TNS1: variants seen among roughly 807,000 people sequenced by gnomAD.
TNS1 encodes the protein tensin-1.
A neutral mutation model predicts 168.6 loss-of-function variants in TNS1; 62 were observed. The observed-to-expected ratio is 0.37, with a 90% CI of 0.30 to 0.45. The LOEUF is 0.45. TNS1 is among the 20% of genes least tolerant of loss of function. The pLI is 1.00. For missense variants in TNS1, 2,240 were observed against 2,339.4 expected (o/e 0.96, Z 0.88); for synonymous variants, 934 against 933.2 (o/e 1.00, Z -0.02).
chr2:217,862,553 G>A lies in TNS1; in HGVS notation c.1430-13466C>T, dbSNP rs370624408. ...GACCCCAGATTTGCCACATGGCACC[G>A]CACTGTGGGCAGTCAGCCCAGGCAA... On this transcript the variant is annotated intron_variant, in intron 18 of 32. Transcript: ENST00000682258. Among the ~76,000 whole-genome samples, 13 of 152,186 alleles carry A rather than the reference G, an allele frequency of 8.5e-5. No homozygotes were observed. The East Asian group carries it at 1.7e-3, about 20-fold the overall frequency.
intron 22 of TNS1, among the ~76,000 whole-genome samples, chr2:217,824,802 T>C (rs1943375486): frequency 6.6e-6 from 1 of 152,132 alleles, no homozygotes; most frequent in Non-Finnish European, 1.5e-5. Flanking sequence ...GCACTCATCA[T>C]GGCTACACCC....
chr2:217,817,465 C>T (rs1942071444), intron 24 of TNS1, among the ~76,000 whole-genome samples: 1 of 152,156 alleles, frequency 6.6e-6, no homozygotes. Context: ...TTATCATCCT[C>T]ATCTGTATCC....
chr2:217,813,925 A>G lies in TNS1; in HGVS notation c.4730-109T>C, dbSNP rs1276958494. 7.5e-7 allele frequency: 1 copy of G among 1,330,674 alleles called. No individual in the cohort carries two copies. The highest frequency in any genetic ancestry group is 9.8e-7 in the Non-Finnish European group (1 of 1,021,508). The allele number at this position is 1,330,674 out of a possible 1,614,324, so 82.4% of individuals were successfully genotyped here. Reference sequence around the variant, plus strand: ...CCTTCGTTCTTTCTTAGGTGAGACAAATTTTCTTTAAAGTTAAAATTTAAC... The same window carrying G: ...CCTTCGTTCTTTCTTAGGTGAGACAGATTTTCTTTAAAGTTAAAATTTAAC... On this transcript the variant is annotated intron_variant, in intron 25 of 32. Coordinates refer to ENST00000682258, the MANE Select transcript of TNS1 (RefSeq NM_001387777.1). This position sits in a 1 kb window ranked among gnomAD's most constrained non-coding sequence, Gnocchi z 4.0.
At chr2:218,021,211 G>A (rs1264838548) in intron 1 of TNS1, among the ~76,000 whole-genome samples, 1 of 152,104 alleles carries the variant, frequency 6.6e-6, no homozygotes, top group African/African-American at 2.4e-5. Context: ...GATGGAGAAT[G>A]AGTCCAAAAT....
chr2:217,946,937 G>GCTCTCT (rs150249191), intron 3 of TNS1, among the ~76,000 whole-genome samples: 10 of 130,878 alleles, frequency 7.6e-5, no homozygotes, highest in East Asian at 2.3e-4. Flanking sequence ...TTCCACCATC[G>GCTCTCT]CTCTCTCTCT....
intron 3 of TNS1, among the ~76,000 whole-genome samples, chr2:217,976,409 C>T (rs916532862): frequency 3.3e-5 from 5 of 152,296 alleles, no homozygotes; most frequent in South Asian, 2.1e-4. Flanking sequence ...AAAGGCAGGG[C>T]GGCAGTAAGA....
intron 3 of TNS1, among the ~76,000 whole-genome samples, chr2:217,975,304 C>A (rs1957866140): frequency 6.6e-6 from 1 of 152,078 alleles, no homozygotes; most frequent in Non-Finnish European, 1.5e-5. Context: ...GTCAGCTAAG[C>A]CACCCCCAAC....
chr2:217,997,759 C>T (rs186145133), intron 1 of TNS1, among the ~76,000 whole-genome samples: 220 of 152,250 alleles, frequency 1.4e-3, no homozygotes, highest in African/African-American at 4.8e-3. Flanking sequence ...GAGATTATGC[C>T]GTAAAGTCGG....
chr2:218,013,050 C>G, upstream of TNS1, among the ~76,000 whole-genome samples: 1 of 151,766 alleles, frequency 6.6e-6, no homozygotes. Flanking sequence ...GAGTTCGAAA[C>G]CAGCCTGGCC....
At chr2:217,805,836 C>A (rs981904619) in intron 32 of TNS1, among the ~76,000 whole-genome samples, 1 of 112,168 alleles carries the variant, frequency 8.9e-6, no homozygotes, top group African/African-American at 3.3e-5. Flanking sequence ...CACACATACA[C>A]AACATATACA....
intron 3 of TNS1, among the ~76,000 whole-genome samples, chr2:217,925,108 T>C (rs1253856394): frequency 6.6e-6 from 1 of 152,248 alleles, no homozygotes; most frequent in Non-Finnish European, 1.5e-5. Context: ...CTTGCAAAAA[T>C]ATAAGTGCTA....
At position 217,986,915 on chromosome 2, in the gene TNS1, T is replaced by G. The variant is rs1341229710; in HGVS notation, c.148+4027A>C. 1 of 152,258 alleles carries G rather than the reference T, an allele frequency of 6.6e-6. No homozygotes were observed. Among genetic ancestry groups the G allele is most frequent in the Admixed American group, 6.5e-5 (1 of 15,276 alleles). The allele number at this position is 152,258 out of a possible 1,614,324, so 9.4% of individuals were successfully genotyped here. ...GCTCAGTTCATGATTGCCAGATGGC[T>G]GCACGCAGCGCGGAGGAGGTGAGCA... On this transcript the variant is annotated intron_variant, in intron 2 of 32. Transcript: ENST00000682258. The surrounding 1 kb of genome is among the most constrained non-coding windows in gnomAD (Gnocchi z 4.7).
At chr2:217,907,789 C>A (rs1275621647) in intron 4 of TNS1, among the ~76,000 whole-genome samples, 1 of 152,250 alleles carries the variant, frequency 6.6e-6, no homozygotes, top group Non-Finnish European at 1.5e-5. Flanking sequence ...CCACCCACCA[C>A]TGGGCCTCAC....
chr2:217,985,255 C>T (rs1958166145), intron 2 of TNS1, among the ~76,000 whole-genome samples: 1 of 151,904 alleles, frequency 6.6e-6, no homozygotes, highest in Non-Finnish European at 1.5e-5. Flanking sequence ...AGCAGATGGG[C>T]TCCTGTGTGG....
chr2:217,879,345 C>T (rs367578037), intron 18 of TNS1: 45 of 408,480 alleles, frequency 1.1e-4, no homozygotes, highest in South Asian at 2.6e-4. Flanking sequence ...CCCAGCACAA[C>T]GACCAATTAG....
chr2:217,989,454 G>A (rs1280552607), intron 2 of TNS1, among the ~76,000 whole-genome samples: 1 of 152,130 alleles, frequency 6.6e-6, no homozygotes, highest in Non-Finnish European at 1.5e-5. Context: ...CTGTCCTTGG[G>A]AGGCCCTGCA....
At chr2:217,840,435 A>G (rs935900325) in intron 19 of TNS1, among the ~76,000 whole-genome samples, 4 of 152,260 alleles carry the variant, frequency 2.6e-5, no homozygotes, top group Non-Finnish European at 5.9e-5. Context: ...TGCAAAATAC[A>G]CAACAGGACA....
intron 1 of TNS1, among the ~76,000 whole-genome samples, chr2:218,027,135 T>C (rs1380489467): frequency 6.6e-6 from 1 of 151,968 alleles, no homozygotes; most frequent in African/African-American, 2.4e-5. Flanking sequence ...ACACGCTCAT[T>C]CTTGTTTGGC....
chr2:217,978,947 G>A, intron 2 of TNS1, 145 bp from the exon 3 acceptor site: 1 of 654,408 alleles, frequency 1.5e-6, no homozygotes, highest in South Asian at 1.7e-5. Flanking sequence ...GAGAGGGAGA[G>A]AGGGAGGGGA....
Sources: allele counts gnomAD v4.1 joint callset (sites outside exome capture counted in the v4.1 genomes callset), GRCh38; gene constraint gnomAD v4.1.1; non-coding constraint Gnocchi (gnomAD v3.1); transcripts MANE v1.5; gene names NCBI Gene and HGNC (gene_info 2026-07-23, HGNC 2026-07-21).